The following RYK variants were observed in gnomAD, a reference collection of about 807,000 sequenced individuals.
RYK encodes the protein receptor like tyrosine kinase.
A neutral mutation model predicts 70.2 loss-of-function variants in RYK; 21 were observed. That is an observed-to-expected ratio of 0.30 (90% CI 0.21 to 0.43). The LOEUF (loss-of-function observed/expected upper bound fraction) is 0.43, where lower values mean the gene tolerates loss of function less well. Among genes scored for constraint, RYK ranks in the 20% least tolerant of loss-of-function variants. The pLI is 1.00. For synonymous variants in RYK, 267 were observed against 278.0 expected (o/e 0.96, Z 0.39); for missense variants, 604 against 753.3 (o/e 0.80, Z 2.32).
intron 1 of RYK, among the ~76,000 whole-genome samples, chr3:134,239,895 TAGAAAGTA>T (rs2015279124): frequency 6.6e-6 from 1 of 152,140 alleles, no homozygotes; most frequent in Non-Finnish European, 1.5e-5. Context: ...AGTTGAGATC[TAGAAAGTA>T]CCAGCCATGT....
In RYK at chr3:134,233,118, T is replaced by A. The variant is rs183386016; in HGVS notation, c.233-10579A>T. 1.8e-3 allele frequency among the ~76,000 whole-genome samples: 274 copies of A among 152,330 alleles called. 1 individual carries two copies. The highest frequency in any genetic ancestry group is 6.3e-3 in the African/African-American group (260 of 41,576). On this transcript the variant is annotated intron_variant, in intron 1 of 14. Transcript: ENST00000623711. ...TACTGTCTCAAGACCACACCCTATA[T>A]GTTAATATCTCTCACTCTCTTCTGA...
At chr3:134,180,559 T>C (rs1055684546) in intron 10 of RYK, 1 of 152,240 alleles carries the variant, frequency 6.6e-6, no homozygotes, top group African/African-American at 2.4e-5. Flanking sequence ...TCATTTTCAT[T>C]CTGCCTAACA....
chr3:134,245,916 C>G (rs1249266893), intron 1 of RYK, among the ~76,000 whole-genome samples: 3 of 152,166 alleles, frequency 2.0e-5, no homozygotes, highest in African/African-American at 7.2e-5. Context: ...CTGCAATCAG[C>G]TCCTCAGGAT....
rs2014357148 is a variant in RYK, at chr3:134,210,543, A to G, written c.455-714T>C. Among the ~76,000 whole-genome samples the G allele has an allele frequency of 2.0e-5, 3 of 152,206 alleles. No homozygotes were observed. In the South Asian group the frequency reaches 6.2e-4, roughly 31 times the overall value. On this transcript the variant is annotated intron_variant, in intron 3 of 14. Coordinates refer to ENST00000623711, the MANE Select transcript of RYK (RefSeq NM_002958.4). ...AAGCAGCCCTCCTGTGCTTTATTTA[A>G]GCTTAATGTATGTCACTGATAACAG...
chr3:134,178,006 T>C lies in RYK; in HGVS notation c.1240A>G (p.Met414Val). The C allele has an allele frequency of 3.1e-6, 5 of 1,610,932 alleles. No homozygotes were observed. The highest frequency in any genetic ancestry group is 2.2e-5 in the South Asian group (2 of 90,880). Residue 414 changes from methionine to valine, a missense_variant, in exon 11 of 15, where the codon ATG becomes GTG. Physicochemically the swap from Met to Val is conservative, Grantham distance 21 (BLOSUM62 1). Transcript: ENST00000623711. ...AACAATTTAAGATTCCCCCAATTCATGTAAGGCAATATCACCATGGGCTTT... is the reference window on the plus strand; with the variant it reads ...AACAATTTAAGATTCCCCCAATTCACGTAAGGCAATATCACCATGGGCTTT... ...GEKPMVILPY[M>V]NWGNLKLFLR...
chr3:134,178,253 A>G (rs2013174700), intron 10 of RYK, 180 bp from the exon 11 acceptor site: 1 of 506,516 alleles, frequency 2.0e-6, no homozygotes, highest in Non-Finnish European at 3.4e-6. Context: ...TGTCCCCTAT[A>G]TATGTGCATA....
rs1432341639 is a variant in RYK at position 134,225,509 on chromosome 3, G to C, written c.233-2970C>G. Among the ~76,000 whole-genome samples, 3 of 151,222 alleles carry C rather than the reference G, an allele frequency of 2.0e-5. No individual in the cohort carries two copies. In the East Asian group the frequency reaches 5.8e-4, roughly 29 times the overall value. On this transcript the variant is annotated intron_variant, in intron 1 of 14. Coordinates refer to ENST00000623711, the MANE Select transcript of RYK (RefSeq NM_002958.4). Reference sequence around the variant, plus strand: ...AAACCAACGGACAAAAAGGCAAAAAGAAACACACAAATCCACAATCACAAT... The same window carrying C: ...AAACCAACGGACAAAAAGGCAAAAACAAACACACAAATCCACAATCACAAT...
chr3:134,186,448 T>C (rs2013463809), intron 9 of RYK, among the ~76,000 whole-genome samples: 1 of 152,266 alleles, frequency 6.6e-6, no homozygotes, highest in South Asian at 2.1e-4. Flanking sequence ...GTCAGCTCTA[T>C]GTGGCTACAA....
chr3:134,192,408 T>A (rs1205902215), intron 7 of RYK, among the ~76,000 whole-genome samples: 1 of 151,740 alleles, frequency 6.6e-6, no homozygotes, highest in Non-Finnish European at 1.5e-5. Flanking sequence ...TTCAAACATC[T>A]CTTCATTTGA....
rs998242066 is a variant in RYK, at chr3:134,188,222, A to G, written c.1102+615T>C. The stretch of plus-strand genomic sequence containing the variant: ...GTCGCCCAGGCTGGAGTGCAGTGGC[A>G]TGATCTCGGCTCACTGCATCCTCCG... On this transcript the variant is annotated intron_variant, in intron 9 of 14. Transcript: ENST00000623711. Among the ~76,000 whole-genome samples, 3 of 147,100 alleles carry G rather than the reference A, an allele frequency of 2.0e-5. No homozygotes were observed. The Admixed American group carries it at 2.1e-4, about 10-fold the overall frequency.
chr3:134,208,971 G>A (rs1191519207), intron 4 of RYK, among the ~76,000 whole-genome samples: 1 of 151,968 alleles, frequency 6.6e-6, no homozygotes, highest in Non-Finnish European at 1.5e-5. Flanking sequence ...ACGTGACCTT[G>A]TAAATTTGGG....
intron 2 of RYK, among the ~76,000 whole-genome samples, chr3:134,215,893 G>A (rs903428803): frequency 6.6e-6 from 1 of 151,810 alleles, no homozygotes; most frequent in Admixed American, 6.6e-5. Flanking sequence ...CAAAAATTAG[G>A]TGGGCATGGT....
At chr3:134,208,377 G>A (rs2014280446) in intron 4 of RYK, among the ~76,000 whole-genome samples, 1 of 152,108 alleles carries the variant, frequency 6.6e-6, no homozygotes, top group Non-Finnish European at 1.5e-5. Flanking sequence ...GGCTAGCTGT[G>A]GTAGCCTAGG....
intron 9 of RYK, among the ~76,000 whole-genome samples, chr3:134,188,064 C>T (rs976751235): frequency 4.6e-5 from 7 of 151,590 alleles, no homozygotes; most frequent in South Asian, 4.2e-4. Context: ...ACATTTCAAA[C>T]GCTGGCCCAA....
At chr3:134,171,260 ACTC>A (rs1407542383) in intron 13 of RYK, among the ~76,000 whole-genome samples, 1 of 152,126 alleles carries the variant, frequency 6.6e-6, no homozygotes, top group Non-Finnish European at 1.5e-5. Flanking sequence ...AAATGTGTGA[ACTC>A]CTGCAAAATG....
chr3:134,174,367 AT>A (rs2013026026), intron 13 of RYK, among the ~76,000 whole-genome samples: 1 of 152,238 alleles, frequency 6.6e-6, no homozygotes, highest in Non-Finnish European at 1.5e-5. Context: ...GTATATACCA[AT>A]TAATATAATT....
At chr3:134,189,727 A>G (rs571356637) in intron 8 of RYK, among the ~76,000 whole-genome samples, 1 of 145,124 alleles carries the variant, frequency 6.9e-6, no homozygotes, top group East Asian at 2.0e-4. Flanking sequence ...TGGGCAACAG[A>G]ACGAGACTCC....
In RYK at chr3:134,206,532, G is replaced by A. The variant is rs140969200; in HGVS notation, c.643+940C>T. ...CAGGAGGAAAAAAAGACATTTTAAA[G>A]ACAATCGGGTTAATTTGAACATGGA... On this transcript the variant is annotated intron_variant, in intron 5 of 14. Coordinates refer to ENST00000623711, the MANE Select transcript of RYK (RefSeq NM_002958.4). Among the ~76,000 whole-genome samples the A allele has an allele frequency of 4.3e-3, 652 of 152,242 alleles. 1 individual carries two copies. Among genetic ancestry groups the A allele is most frequent in the African/African-American group, 0.015 (626 of 41,540 alleles).
rs2013071166 is a variant in RYK at position 134,175,630 on chromosome 3, C to A, written c.1554G>T (p.Glu518Asp). 4 of 1,613,844 alleles carry A rather than the reference C, an allele frequency of 2.5e-6. No individual in the cohort carries two copies. Among genetic ancestry groups the A allele is most frequent in the Non-Finnish European group, 3.4e-6 (4 of 1,179,864 alleles). Residue 518 changes from glutamate (E) to aspartate (D), a missense_variant, in exon 13 of 15, where the codon GAG becomes GAT. Coordinates refer to ENST00000623711, the MANE Select transcript of RYK (RefSeq NM_002958.4). The stretch of plus-strand genomic sequence containing the variant: ...TTACCACATCACTAGCGCTAGAGAA[C>A]TCGTTATTAACCAGACTTTCAAGAG... ...WMALESLVNN[E>D]FSSASDVWAF...
Sources: gnomAD v4.1 joint callset for allele counts (sites outside exome capture counted in the v4.1 genomes callset) on GRCh38, gnomAD v4.1.1 for gene constraint, MANE v1.5 for transcripts, NCBI Gene and HGNC (gene_info 2026-07-23, HGNC 2026-07-21) for gene names.